Variants in MYT1L observed in about 807,000 individuals in gnomAD.
MYT1L encodes the protein myelin transcription factor 1 like.
MYT1L carries 12 observed loss-of-function variants against 126.7 expected under a neutral mutation model. The ratio of observed to expected loss-of-function variants is 0.09; its 90% CI spans 0.06 to 0.15. The LOEUF (loss-of-function observed/expected upper bound fraction) is 0.15. MYT1L is among the 10% of genes least tolerant of loss of function. The pLI is 1.00. For missense variants in MYT1L, 979 were observed against 1,585.2 expected (o/e 0.62, Z 6.49); for synonymous variants, 541 against 604.2 (o/e 0.90, Z 1.53).
At position 2,029,362 on chromosome 2, in the gene MYT1L, C is replaced by A. The variant is rs2065971473; in HGVS notation, c.-158+24616G>T. 3.3e-5 allele frequency among the ~76,000 whole-genome samples: 5 copies of A among 152,312 alleles called. No individual in the cohort carries two copies. The South Asian group carries it at 1.0e-3, about 32-fold the overall frequency. ...GTTCCACATGGCTGGGGAGGCCTCA[C>A]AATCATGGCGGAAGATGAAGAAAGA... is the stretch of plus-strand genomic sequence containing the variant. On this transcript the variant is annotated intron_variant, in intron 4 of 24. Transcript: ENST00000647738.
intron 3 of MYT1L, among the ~76,000 whole-genome samples, chr2:2,145,635 C>A (rs1224557312): frequency 6.9e-6 from 1 of 144,874 alleles, no homozygotes. Flanking sequence ...AAAATACACA[C>A]ACACAAGACA....
chr2:2,041,575 G>A (rs2067543859), intron 4 of MYT1L, among the ~76,000 whole-genome samples: 1 of 152,184 alleles, frequency 6.6e-6, no homozygotes, highest in African/African-American at 2.4e-5. Context: ...AGCTCCTCAT[G>A]CTTCTGGGGC....
intron 3 of MYT1L, among the ~76,000 whole-genome samples, chr2:2,151,241 C>G (rs1215483940): frequency 6.6e-6 from 1 of 152,124 alleles, no homozygotes; most frequent in Non-Finnish European, 1.5e-5. Context: ...TTCTGTGGTG[C>G]TATAGAATAC....
chr2:1,995,229 G>T (rs2061734883), intron 5 of MYT1L, among the ~76,000 whole-genome samples: 2 of 152,124 alleles, frequency 1.3e-5, no homozygotes, highest in Admixed American at 6.5e-5. Flanking sequence ...ATGTGACGGG[G>T]TGGATGTGAA....
intron 21 of MYT1L, among the ~76,000 whole-genome samples, chr2:1,819,603 G>C (rs538660374): frequency 6.6e-6 from 1 of 152,220 alleles, no homozygotes; most frequent in Non-Finnish European, 1.5e-5. Context: ...CTACACTCGG[G>C]CCCTGCCAGT....
intron 18 of MYT1L, among the ~76,000 whole-genome samples, chr2:1,877,794 T>C (rs927697638): frequency 3.7e-4 from 37 of 98,910 alleles, no homozygotes; most frequent in Middle Eastern, 4.5e-3. Flanking sequence ...GTATCCTAAA[T>C]TGTAGAAAAA....
Position 2,287,746 on chromosome 2 carries a change from T to C in MYT1L, c.-520-3243A>G. Among the ~76,000 whole-genome samples the C allele has an allele frequency of 1.3e-5, 2 of 152,246 alleles. 1 individual carries two copies. On this transcript the variant is annotated intron_variant, in intron 1 of 24. Coordinates refer to ENST00000647738, the MANE Select transcript of MYT1L (RefSeq NM_001303052.2). The stretch of plus-strand genomic sequence containing the variant: ...TAATTAATAGTTATTTCATATAGTC[T>C]TTTAAACAAAGTTGTAGTTATTTCT...
At chr2:1,920,566 A>G (rs1050656543) in intron 10 of MYT1L, among the ~76,000 whole-genome samples, 2 of 152,184 alleles carry the variant, frequency 1.3e-5, no homozygotes, top group Non-Finnish European at 2.9e-5. Context: ...CCCAAACTCC[A>G]TCCTCAGATC....
intron 2 of MYT1L, among the ~76,000 whole-genome samples, chr2:2,252,086 C>T (rs1489136807): frequency 1.3e-5 from 2 of 152,054 alleles, no homozygotes; most frequent in Non-Finnish European, 2.9e-5. Flanking sequence ...TCCTTGTTAC[C>T]GAATTCTCCA....
intron 3 of MYT1L, among the ~76,000 whole-genome samples, chr2:2,108,984 C>G (rs1438477108): frequency 6.6e-6 from 1 of 152,164 alleles, no homozygotes; most frequent in African/African-American, 2.4e-5. Context: ...CTGACAGCAG[C>G]CTGGCCACTC....
intron 2 of MYT1L, among the ~76,000 whole-genome samples, chr2:2,283,996 A>G (rs2095483716): frequency 6.6e-6 from 1 of 152,358 alleles, no homozygotes; most frequent in African/African-American, 2.4e-5. Context: ...GCAGGCACTC[A>G]GGCTAAAGTG....
At chr2:2,252,106 T>C (rs1446594205) in intron 2 of MYT1L, among the ~76,000 whole-genome samples, 1 of 152,098 alleles carries the variant, frequency 6.6e-6, no homozygotes, top group East Asian at 1.9e-4. Context: ...ATTCCTCCTC[T>C]CAAGTGTTCC....
At chr2:2,118,430 T>C (rs917121846) in intron 3 of MYT1L, among the ~76,000 whole-genome samples, 2 of 152,242 alleles carry the variant, frequency 1.3e-5, no homozygotes, top group African/African-American at 4.8e-5. Context: ...TCTCCAATAA[T>C]ATTATGTGGC....
intron 2 of MYT1L, among the ~76,000 whole-genome samples, chr2:2,236,280 AGCCC>A (rs2094301140): frequency 7.5e-6 from 1 of 132,522 alleles, no homozygotes; most frequent in Non-Finnish European, 1.6e-5. Flanking sequence ...ATCCCAACCC[AGCCC>A]AGCATATCCC....
At chr2:2,032,082 G>C (rs1236659203) in intron 4 of MYT1L, among the ~76,000 whole-genome samples, 1 of 141,708 alleles carries the variant, frequency 7.1e-6, no homozygotes, top group Non-Finnish European at 1.5e-5. Flanking sequence ...TCTAGAAGGA[G>C]GGCCTTACAC....
At chr2:2,198,714 C>T (rs1164818363) in intron 2 of MYT1L, among the ~76,000 whole-genome samples, 4 of 151,838 alleles carry the variant, frequency 2.6e-5, no homozygotes, top group East Asian at 1.9e-4. Context: ...AAAAATTAGC[C>T]AGGCGTTGTG....
chr2:2,039,754 C>G (rs559073901), intron 4 of MYT1L, among the ~76,000 whole-genome samples: 10 of 152,300 alleles, frequency 6.6e-5, no homozygotes, highest in Admixed American at 5.2e-4. Flanking sequence ...CCTGCATCAG[C>G]CCGCTCATGC....
chr2:2,212,746 G>C (rs1193957367), intron 2 of MYT1L, among the ~76,000 whole-genome samples: 1 of 152,110 alleles, frequency 6.6e-6, no homozygotes, highest in African/African-American at 2.4e-5. Flanking sequence ...TGTAGTCATT[G>C]TCATGCACAG....
intron 3 of MYT1L, among the ~76,000 whole-genome samples, chr2:2,126,769 C>T (rs572332965): frequency 5.3e-5 from 8 of 152,236 alleles, no homozygotes; most frequent in Non-Finnish European, 1.0e-4. Context: ...TCCATCCGCA[C>T]ATTTTATCAC....
Sources: allele counts gnomAD v4.1 joint callset (sites outside exome capture counted in the v4.1 genomes callset), GRCh38; gene constraint gnomAD v4.1.1; transcripts MANE v1.5; gene names NCBI Gene and HGNC (gene_info 2026-07-23, HGNC 2026-07-21).